The following RAB9B variants were observed in gnomAD, a reference collection of about 807,000 sequenced individuals.
RAB9B encodes the protein RAB9B, member RAS oncogene family, also known as ras-related protein Rab-9B.
RAB9B carries 1 observed loss-of-function variant against 8.9 expected under a neutral mutation model. The observed-to-expected ratio is 0.11, with a 90% CI of 0.04 to 0.53. The LOEUF (loss-of-function observed/expected upper bound fraction) is 0.53, where lower values mean the gene tolerates loss of function less well. Among genes scored for constraint, RAB9B ranks in the 20% least tolerant of loss-of-function variants. RAB9B has a pLI of 0.93. For missense variants in RAB9B, 82 were observed against 152.9 expected (o/e 0.54, Z 2.45); for synonymous variants, 63 against 57.0 (o/e 1.10, Z -0.47).
chrX:103,809,573 T>C, the RAB9B span, among the ~76,000 whole-genome samples: 6 of 112,478 alleles, frequency 5.3e-5, no homozygotes, highest in African/African-American at 1.9e-4. Flanking sequence ...GTGCTGGGAT[T>C]ACAGGCGTGA....
At chrX:103,789,026 CT>C in the RAB9B span, 2 of 364,343 alleles carry the variant, frequency 5.5e-6, no homozygotes, top group Admixed American at 9.0e-5. Flanking sequence ...TAAATTATTT[CT>C]TTGACAGCAA....
At chrX:103,789,203 CTTAG>C in the RAB9B span, 16 of 577,900 alleles carry the variant, frequency 2.8e-5, no homozygotes, top group African/African-American at 3.1e-4. Flanking sequence ...GAAGTGAAAA[CTTAG>C]TTAGAGATGT....
At chrX:103,826,292 G>A (rs1218631656) in intron 2 of RAB9B, among the ~76,000 whole-genome samples, 1 of 112,231 alleles carries the variant, frequency 8.9e-6, no homozygotes, top group Non-Finnish European at 1.9e-5. Context: ...GATTCTGTCG[G>A]TAGAGGTCTG....
the RAB9B span, among the ~76,000 whole-genome samples, chrX:103,798,467 AAAT>A: frequency 8.9e-6 from 1 of 111,760 alleles, no homozygotes; most frequent in Admixed American, 9.5e-5. Context: ...TTATAGCTGA[AAAT>A]AATAACTTAC....
chrX:103,813,883 C>G, the RAB9B span, among the ~76,000 whole-genome samples: 3 of 108,861 alleles, frequency 2.8e-5, no homozygotes, highest in South Asian at 4.0e-4. Context: ...ACAAGAAGAG[C>G]TAACTATCCT....
the RAB9B span, among the ~76,000 whole-genome samples, chrX:103,807,978 G>C: frequency 8.9e-6 from 1 of 112,248 alleles, no homozygotes; most frequent in Non-Finnish European, 1.9e-5. Flanking sequence ...AAAATGGGAC[G>C]AGTTATCCCT....
chrX:103,818,816 T>A (rs1374113819), downstream of RAB9B, among the ~76,000 whole-genome samples: 3 of 112,123 alleles, frequency 2.7e-5, no homozygotes. Flanking sequence ...ACATTACAGA[T>A]GACTTTAATT....
the RAB9B span, among the ~76,000 whole-genome samples, chrX:103,779,023 T>G: frequency 8.9e-6 from 1 of 111,781 alleles, no homozygotes; most frequent in Non-Finnish European, 1.9e-5. Flanking sequence ...CCATATAGAA[T>G]CCCTTAGGAT....
At chrX:103,785,905 T>C in the RAB9B span, 1 of 723,883 alleles carries the variant, frequency 1.4e-6, no homozygotes, top group Non-Finnish European at 2.1e-6. Context: ...CTTCCCTCTG[T>C]GCAGATCTCT....
At chrX:103,791,258 T>C in the RAB9B span, 1 of 113,984 alleles carries the variant, frequency 8.8e-6, no homozygotes, top group Non-Finnish European at 1.8e-5. Context: ...ACTTACAGCA[T>C]AAGGGAGCGT....
chrX:103,825,342 T>A lies in RAB9B; in HGVS notation c.443A>T (p.Tyr148Phe), dbSNP rs749128249. The A allele has an allele frequency of 7.4e-6, 9 of 1,211,398 alleles. No individual in the cohort carries two copies. The East Asian group carries it at 2.4e-4, about 32-fold the overall frequency. Residue 148 changes from tyrosine (Y) to phenylalanine (F), a missense_variant, in exon 3 of 3, where the codon TAC becomes TTC. Physicochemically the swap from Tyr to Phe is conservative, Grantham distance 22 (BLOSUM62 3). Transcript: ENST00000243298. ...TTTGGCACTAGTTTCTAAATAAGGG[T>A]AATCCCCATTCTCCATGCACCAGGT... is the stretch of plus-strand genomic sequence containing the variant. ...AQTWCMENGD[Y>F]PYLETSAKDD... is the part of the protein sequence containing the mutation.
downstream of RAB9B, among the ~76,000 whole-genome samples, chrX:103,820,886 G>T (rs1188639398): frequency 1.8e-5 from 2 of 108,169 alleles, no homozygotes; most frequent in African/African-American, 6.8e-5. Context: ...GGAGGCCGAG[G>T]TTGCAGTTAG....
the RAB9B span, among the ~76,000 whole-genome samples, chrX:103,781,670 A>G: frequency 8.9e-6 from 1 of 112,563 alleles, no homozygotes; most frequent in Non-Finnish European, 1.9e-5. Flanking sequence ...CTGAATTCAC[A>G]TAAACAGAAA....
chrX:103,821,555 G>T (rs759581657), downstream of RAB9B, among the ~76,000 whole-genome samples: 1 of 111,648 alleles, frequency 9.0e-6, no homozygotes, highest in Non-Finnish European at 1.9e-5. Context: ...AAGCCATTGG[G>T]TGCTAATGTA....
intron 2 of RAB9B, among the ~76,000 whole-genome samples, chrX:103,826,187 T>C (rs750236729): frequency 1.8e-5 from 2 of 111,836 alleles, no homozygotes; most frequent in South Asian, 3.8e-4. Context: ...TTCCAAACAA[T>C]AGACAAATAG....
chrX:103,809,194 G>A, the RAB9B span, among the ~76,000 whole-genome samples: 23 of 112,228 alleles, frequency 2.0e-4, no homozygotes, highest in Non-Finnish European at 3.8e-4. Context: ...GTTATGTGAG[G>A]AAACAATAAG....
At chrX:103,806,336 A>T in the RAB9B span, among the ~76,000 whole-genome samples, 2 of 111,177 alleles carry the variant, frequency 1.8e-5, no homozygotes, top group Non-Finnish European at 3.8e-5. Context: ...CTAATTTTTC[A>T]TGTGATTTAT....
At chrX:103,820,807 A>T (rs2074656287), downstream of RAB9B, among the ~76,000 whole-genome samples, 1 of 110,390 alleles carries the variant, frequency 9.1e-6, no homozygotes, top group Admixed American at 9.7e-5. Context: ...AAAATTAGCC[A>T]GGTGTGGTGG....
At chrX:103,804,645 A>G in the RAB9B span, among the ~76,000 whole-genome samples, 1 of 111,896 alleles carries the variant, frequency 8.9e-6, no homozygotes, top group Non-Finnish European at 1.9e-5. Flanking sequence ...GAGCCTTTCA[A>G]TTCATGAAAA....
Sources: allele counts gnomAD v4.1 joint callset (sites outside exome capture counted in the v4.1 genomes callset), GRCh38; gene constraint gnomAD v4.1.1; transcripts MANE v1.5; gene names NCBI Gene and HGNC (gene_info 2026-07-23, HGNC 2026-07-21).